NCAM2: variants seen among roughly 807,000 people sequenced by gnomAD.
The protein encoded by NCAM2 is N-CAM-2.
In NCAM2, 30 loss-of-function variants were observed where a neutral mutation model predicts 98.1. The observed-to-expected ratio is 0.31, with a 90% CI of 0.23 to 0.41. The LOEUF is 0.41. NCAM2 is among the 10% of genes least tolerant of loss of function. The pLI is 1.00. For missense variants in NCAM2, 867 were observed against 1,005.8 expected (o/e 0.86, Z 1.87); for synonymous variants, 368 against 342.4 (o/e 1.07, Z -0.83).
chr21:21,120,460 T>G (rs1486287035), intron 1 of NCAM2, among the ~76,000 whole-genome samples: 2 of 152,124 alleles, frequency 1.3e-5, no homozygotes, highest in African/African-American at 4.8e-5. Context: ...TATGTGTCTA[T>G]CTTTGTGTTT....
At chr21:21,463,081 A>T (rs1288861548) in intron 12 of NCAM2, among the ~76,000 whole-genome samples, 4 of 152,056 alleles carry the variant, frequency 2.6e-5, no homozygotes, top group Non-Finnish European at 5.9e-5. Flanking sequence ...CTATCTTCAT[A>T]ATTTGAGGTA....
chr21:21,257,970 A>G (rs887570472), intron 1 of NCAM2, among the ~76,000 whole-genome samples: 1 of 152,200 alleles, frequency 6.6e-6, no homozygotes, highest in Admixed American at 6.5e-5. Context: ...TTATTGGGGA[A>G]ATCTTAGATA....
At chr21:21,322,846 C>A (rs232462) in intron 5 of NCAM2, among the ~76,000 whole-genome samples, 103,978 of 152,028 alleles carry the variant, frequency 0.68, 36,333 homozygotes, top group Non-Finnish European at 0.78. Context: ...TTAGTGGTAT[C>A]TCTGTTGCCT....
At chr21:21,131,683 C>T (rs114012849) in intron 1 of NCAM2, among the ~76,000 whole-genome samples, 2,810 of 152,210 alleles carry the variant, frequency 0.018, 95 homozygotes, top group African/African-American at 0.064. Flanking sequence ...ACGTCAATTA[C>T]TACAATTTTA....
chr21:21,009,984 C>T (rs7510234), intron 1 of NCAM2, among the ~76,000 whole-genome samples: 82,068 of 150,702 alleles, frequency 0.54, 22,789 homozygotes, highest in East Asian at 0.81. Flanking sequence ...GTTTATTGGA[C>T]GGAGTACATT....
intron 1 of NCAM2, among the ~76,000 whole-genome samples, chr21:21,100,169 G>A (rs116501654): frequency 0.011 from 1,729 of 151,954 alleles, 36 homozygotes; most frequent in African/African-American, 0.04. Flanking sequence ...AAAAATGTTT[G>A]AGTTATGAAG....
At chr21:21,000,518 G>A (rs2063999924) in intron 1 of NCAM2, among the ~76,000 whole-genome samples, 1 of 152,208 alleles carries the variant, frequency 6.6e-6, no homozygotes, top group Non-Finnish European at 1.5e-5. Flanking sequence ...TAACATAGAT[G>A]TGAAATTGTG....
chr21:21,484,036 A>G (rs12482064), intron 15 of NCAM2, among the ~76,000 whole-genome samples: 38,335 of 151,986 alleles, frequency 0.25, 4,880 homozygotes, highest in South Asian at 0.35. Flanking sequence ...TTGAGATCAT[A>G]TTAAAAGTAG....
At chr21:21,372,828 A>G (rs935522099) in intron 8 of NCAM2, among the ~76,000 whole-genome samples, 1 of 151,802 alleles carries the variant, frequency 6.6e-6, no homozygotes, top group African/African-American at 2.4e-5. Context: ...TACTAATAAC[A>G]TCTATATACA....
At chr21:21,316,783 A>T (rs148137528) in intron 5 of NCAM2, among the ~76,000 whole-genome samples, 30,893 of 151,948 alleles carry the variant, frequency 0.2, 3,882 homozygotes, top group Non-Finnish European at 0.28. Flanking sequence ...ACCTCAGGCG[A>T]TCTGCCTGCC....
intron 11 of NCAM2, among the ~76,000 whole-genome samples, chr21:21,424,320 T>C (rs938605708): frequency 1.3e-5 from 2 of 152,196 alleles, no homozygotes; most frequent in African/African-American, 4.8e-5. Context: ...GAATTTCTAG[T>C]AGGTACCACA....
chr21:21,196,515 A>G (rs2069010463), intron 1 of NCAM2, among the ~76,000 whole-genome samples: 1 of 152,166 alleles, frequency 6.6e-6, no homozygotes, highest in Non-Finnish European at 1.5e-5. Context: ...CTACTTCACA[A>G]AGAATCCAAA....
At chr21:21,422,103 G>T (rs1286497190) in intron 11 of NCAM2, among the ~76,000 whole-genome samples, 1 of 152,136 alleles carries the variant, frequency 6.6e-6, no homozygotes, top group African/African-American at 2.4e-5. Context: ...GTCCAGTGTT[G>T]AGTGTTGGGA....
chr21:21,198,132 C>G (rs1601622314), intron 1 of NCAM2, among the ~76,000 whole-genome samples: 1 of 151,050 alleles, frequency 6.6e-6, no homozygotes, highest in East Asian at 1.9e-4. Context: ...TTTTCAGCTG[C>G]TACTTATCTA....
chr21:21,279,571 C>T (rs2072854869), intron 1 of NCAM2, among the ~76,000 whole-genome samples: 1 of 152,098 alleles, frequency 6.6e-6, no homozygotes, highest in Non-Finnish European at 1.5e-5. Flanking sequence ...GTTTGCCAGG[C>T]TGGTCTCAAA....
chr21:21,226,632 A>C (rs1276024225), intron 1 of NCAM2: 1 of 152,104 alleles, frequency 6.6e-6, no homozygotes, highest in Non-Finnish European at 1.5e-5. Flanking sequence ...CCCTGATGAG[A>C]TCATAGTCGA....
rs990269038 is a variant in NCAM2, at chr21:21,450,274, C to T, written c.1655-16332C>T. ...ATGTATGTATGTGTGTATATATATA[C>T]TATTTTAATATATGCGTGTGTGTGT... On this transcript the variant is annotated intron_variant, in intron 12 of 17. Coordinates refer to ENST00000400546, the MANE Select transcript of NCAM2 (RefSeq NM_004540.5). Among the ~76,000 whole-genome samples the T allele has an allele frequency of 4.6e-5, 7 of 151,478 alleles. No homozygotes were observed. In the Admixed American group the frequency reaches 4.6e-4, roughly 10 times the overall value.
chr21:21,507,996 G>A (rs577537688), intron 15 of NCAM2, among the ~76,000 whole-genome samples: 5 of 151,932 alleles, frequency 3.3e-5, no homozygotes, highest in Non-Finnish European at 7.4e-5. Context: ...CTACAAACAC[G>A]TAACACGTGA....
chr21:21,023,395 T>G (rs6518029), intron 1 of NCAM2, among the ~76,000 whole-genome samples: 152,047 of 152,048 alleles, frequency 1, 76,023 homozygotes, highest in Non-Finnish European at 1. Flanking sequence ...GTGGTGGTGG[T>G]CACCTGTAAT....
Sources: gnomAD v4.1 joint callset for allele counts (sites outside exome capture counted in the v4.1 genomes callset) on GRCh38, gnomAD v4.1.1 for gene constraint, MANE v1.5 for transcripts, NCBI Gene and HGNC (gene_info 2026-07-23, HGNC 2026-07-21) for gene names.